Variants in DAPK2 observed in about 807,000 individuals in gnomAD.
The protein encoded by DAPK2 is death associated protein kinase 2, also known as death-associated protein kinase 2.
A neutral mutation model predicts 44.1 loss-of-function variants in DAPK2; 35 were observed. The observed-to-expected ratio is 0.79, with a 90% confidence interval of 0.61 to 1.05. DAPK2 has a LOEUF of 1.05. Ranked by LOEUF, DAPK2 falls within the 50% of genes least tolerant of loss-of-function variation. DAPK2 has a pLI of 0.00. For missense variants in DAPK2, 453 were observed against 483.2 expected, an observed-to-expected ratio of 0.94 and a Z score of 0.59; for synonymous variants, 174 against 182.6, an observed-to-expected ratio of 0.95 and a Z score of 0.38.
At chr15:63,958,660 T>C (rs2077796974) in intron 3 of DAPK2, among the ~76,000 whole-genome samples, 1 of 152,176 alleles carries the variant, frequency 6.6e-6, no homozygotes, top group Non-Finnish European at 1.5e-5. Context: ...GATCAGATGG[T>C]TGTAGATGTG....
chr15:63,993,880 T>C (rs142779901), intron 1 of DAPK2, among the ~76,000 whole-genome samples: 4 of 152,288 alleles, frequency 2.6e-5, no homozygotes, highest in South Asian at 2.1e-4. Flanking sequence ...ATGTTTCATA[T>C]TGATACATAT....
At chr15:64,033,736 G>A (rs1292499294) in intron 1 of DAPK2, among the ~76,000 whole-genome samples, 2 of 151,944 alleles carry the variant, frequency 1.3e-5, no homozygotes, top group Non-Finnish European at 2.9e-5. Flanking sequence ...GTGAAACCCC[G>A]TCTCTACTAA....
chr15:63,937,421 A>C (rs975848596), intron 4 of DAPK2, among the ~76,000 whole-genome samples: 1 of 152,212 alleles, frequency 6.6e-6, no homozygotes, highest in East Asian at 1.9e-4. Context: ...AGCCTCATCC[A>C]TCAATAACCC....
At chr15:63,983,192 T>C (rs2078573642) in intron 2 of DAPK2, among the ~76,000 whole-genome samples, 1 of 151,732 alleles carries the variant, frequency 6.6e-6, no homozygotes, top group Non-Finnish European at 1.5e-5. Flanking sequence ...TCTGTCCCAC[T>C]CACCCTCCCA....
chr15:64,005,326 G>C (rs1312382276), intron 1 of DAPK2, among the ~76,000 whole-genome samples: 1 of 151,474 alleles, frequency 6.6e-6, no homozygotes, highest in Non-Finnish European at 1.5e-5. Flanking sequence ...TTCAGGCTCT[G>C]TGTGTGAGGT....
intron 1 of DAPK2, among the ~76,000 whole-genome samples, chr15:63,992,144 G>A (rs1335463682): frequency 1.3e-5 from 2 of 152,216 alleles, no homozygotes; most frequent in South Asian, 4.1e-4. Context: ...TGATGCTGTT[G>A]TCAAATGAGC....
At chr15:63,970,942 G>C (rs2078195052) in intron 3 of DAPK2, among the ~76,000 whole-genome samples, 1 of 152,170 alleles carries the variant, frequency 6.6e-6, no homozygotes, top group Non-Finnish European at 1.5e-5. Flanking sequence ...GTTGTGAGTT[G>C]GGGAGGGCAG....
intron 1 of DAPK2, among the ~76,000 whole-genome samples, chr15:64,025,120 A>T (rs531035401): frequency 5.9e-4 from 90 of 152,256 alleles, no homozygotes; most frequent in African/African-American, 2.1e-3. Flanking sequence ...GACAGAAAGA[A>T]AATTCTAGGC....
intron 3 of DAPK2, among the ~76,000 whole-genome samples, chr15:63,945,658 A>C (rs2077430122): frequency 6.6e-6 from 1 of 152,180 alleles, no homozygotes; most frequent in Non-Finnish European, 1.5e-5. Context: ...GGAAAACTGC[A>C]GGTCCAGCTC....
chr15:63,943,831 G>A (rs531668596), intron 3 of DAPK2, among the ~76,000 whole-genome samples: 16 of 152,228 alleles, frequency 1.1e-4, no homozygotes, highest in South Asian at 4.1e-4. Context: ...AGCTGAGATC[G>A]TACCACTGTA....
chr15:63,958,118 C>T (rs1406057887), intron 3 of DAPK2, among the ~76,000 whole-genome samples: 1 of 152,190 alleles, frequency 6.6e-6, no homozygotes, highest in Non-Finnish European at 1.5e-5. Flanking sequence ...TGATGATGAG[C>T]ATTTTTTCAT....
intron 10 of DAPK2, chr15:63,911,585 G>GT (rs755934956): frequency 8.3e-6 from 3 of 361,372 alleles, no homozygotes; most frequent in Non-Finnish European, 1.5e-5. Flanking sequence ...CAGCTTTTGG[G>GT]TTATCAGAAA....
chr15:63,956,154 C>T (rs763620881), intron 3 of DAPK2, among the ~76,000 whole-genome samples: 16 of 152,058 alleles, frequency 1.1e-4, no homozygotes, highest in Non-Finnish European at 1.6e-4. Flanking sequence ...TCTCCTTTTT[C>T]GTCTCTGATT....
At chr15:63,931,136 G>A (rs1307972309) in intron 4 of DAPK2, among the ~76,000 whole-genome samples, 1 of 152,152 alleles carries the variant, frequency 6.6e-6, no homozygotes, top group Non-Finnish European at 1.5e-5. Context: ...TGACAACTTA[G>A]CAAGAAGGCA....
chr15:63,939,228 T>C lies in DAPK2; in HGVS notation c.583+4A>G, dbSNP rs760670118. 6.2e-7 allele frequency: 1 copy of C among 1,613,488 alleles called. No individual in the cohort carries two copies. The highest frequency in any genetic ancestry group is 1.1e-5 in the South Asian group (1 of 90,982). The stretch of plus-strand genomic sequence containing the variant: ...GCTGAAAGACAAACAGGCCTACAAC[T>C]CACCAACAAATTCCGGCGTCCCAAA... On this transcript the variant is annotated splice_donor_region_variant and intron_variant, in intron 4 of 10. Coordinates refer to ENST00000261891, the Ensembl canonical transcript of DAPK2. This position sits in a 1 kb window ranked among gnomAD's most constrained non-coding sequence, Gnocchi z 4.3.
chr15:63,915,988 C>T (rs2146519449), intron 8 of DAPK2, among the ~76,000 whole-genome samples: 2 of 151,478 alleles, frequency 1.3e-5, no homozygotes, highest in South Asian at 4.2e-4. Flanking sequence ...CTGCCTTCTC[C>T]TGACCCGCCC....
chr15:64,006,054 ACC>A (rs370523706), intron 1 of DAPK2, among the ~76,000 whole-genome samples: 4 of 148,538 alleles, frequency 2.7e-5, no homozygotes, highest in African/African-American at 9.9e-5. Flanking sequence ...AAAAAAAAAA[ACC>A]CCACAAAAAA....
At chr15:64,036,419 TA>T (rs1434354871) in intron 1 of DAPK2, among the ~76,000 whole-genome samples, 1 of 146,934 alleles carries the variant, frequency 6.8e-6, no homozygotes, top group Admixed American at 7.0e-5. Flanking sequence ...TAAATACTCA[TA>T]AAATGAACAC....
At chr15:63,951,560 G>A (rs1041802412) in intron 3 of DAPK2, among the ~76,000 whole-genome samples, 1 of 152,078 alleles carries the variant, frequency 6.6e-6, no homozygotes, top group African/African-American at 2.4e-5. Context: ...GCACTCCTTG[G>A]CAGCGAGCAT....
Sources: gnomAD v4.1 joint callset for allele counts (sites outside exome capture counted in the v4.1 genomes callset) on GRCh38, gnomAD v4.1.1 for gene constraint, Gnocchi (gnomAD v3.1) non-coding constraint, MANE v1.5 for transcripts, NCBI Gene and HGNC (gene_info 2026-07-23, HGNC 2026-07-21) for gene names.